Variants in TANGO6 observed in about 807,000 individuals in gnomAD.
The protein encoded by TANGO6 is transport and golgi organization 6 homolog.
In TANGO6, 90 loss-of-function variants were observed where a neutral mutation model predicts 114.2. The ratio of observed to expected loss-of-function variants is 0.79; its 90% CI spans 0.66 to 0.94. The LOEUF (loss-of-function observed/expected upper bound fraction) is 0.94. Among genes scored for constraint, TANGO6 ranks in the 40% least tolerant of loss-of-function variants. The pLI, the probability that TANGO6 is intolerant of heterozygous loss-of-function variation, is 0.00. For synonymous variants in TANGO6, 477 were observed against 509.8 expected (o/e 0.94, Z 0.87); for missense variants, 1,274 against 1,315.3 (o/e 0.97, Z 0.49).
At chr16:69,068,526 G>T (rs1960250932) in intron 17 of TANGO6, among the ~76,000 whole-genome samples, 1 of 152,136 alleles carries the variant, frequency 6.6e-6, no homozygotes, top group Admixed American at 6.6e-5. Flanking sequence ...ACTATGTAAG[G>T]ATTAGCTACC....
chr16:68,948,309 T>C (rs1478421450), intron 14 of TANGO6: 1 of 152,222 alleles, frequency 6.6e-6, no homozygotes, highest in Non-Finnish European at 1.5e-5. Flanking sequence ...ACTATTGTCA[T>C]TTATTATGAC....
At chr16:68,869,404 G>T (rs1962231840) in intron 4 of TANGO6, among the ~76,000 whole-genome samples, 1 of 152,200 alleles carries the variant, frequency 6.6e-6, no homozygotes, top group Non-Finnish European at 1.5e-5. Flanking sequence ...CTGGAGCCCT[G>T]GAATTTGTGG....
chr16:68,952,669 A>G (rs1963481806), intron 14 of TANGO6, among the ~76,000 whole-genome samples: 1 of 152,194 alleles, frequency 6.6e-6, no homozygotes, highest in South Asian at 2.1e-4. Context: ...GTGTCTGTAC[A>G]GTTTGGGCAA....
chr16:68,883,639 A>G (rs939172885), intron 7 of TANGO6, among the ~76,000 whole-genome samples: 3 of 152,154 alleles, frequency 2.0e-5, no homozygotes, highest in African/African-American at 4.8e-5. Context: ...ATTATTGTGT[A>G]TATTTGTGTT....
chr16:68,907,935 C>T (rs1962874909), intron 10 of TANGO6, among the ~76,000 whole-genome samples: 1 of 152,168 alleles, frequency 6.6e-6, no homozygotes, highest in Admixed American at 6.5e-5. Context: ...ATCCCTTATC[C>T]TTTCTGACTG....
intron 17 of TANGO6, among the ~76,000 whole-genome samples, chr16:69,078,666 T>G (rs1388117262): frequency 6.6e-6 from 1 of 152,198 alleles, no homozygotes; most frequent in Admixed American, 6.5e-5. Context: ...TCTAGATGTT[T>G]CCATTGTTAA....
In TANGO6 at chr16:68,880,606, T is replaced by C; in HGVS notation, c.1353T>C (p.Ser451=). ...TTTTGGTGACAGAAGAAGAACTTAG[T>C]AGATGCATTGAGGATGTGTTTAAGG... The part of the protein sequence containing the change: ...GTILVTEEEL[S]RCIEDVFKVY... Residue 451 remains serine (S), a synonymous_variant, in exon 7 of 18, where the codon AGT becomes AGC. Coordinates refer to ENST00000261778, the MANE Select transcript of TANGO6 (RefSeq NM_024562.2). 6.2e-7 allele frequency: 1 copy of C among 1,612,516 alleles called. No homozygotes were observed. Among genetic ancestry groups the C allele is most frequent in the Non-Finnish European group, 8.5e-7 (1 of 1,179,154 alleles).
At chr16:68,850,675 A>G (rs946932629) in intron 1 of TANGO6, among the ~76,000 whole-genome samples, 3 of 152,202 alleles carry the variant, frequency 2.0e-5, no homozygotes, top group Non-Finnish European at 4.4e-5. Context: ...TGCGGCCCAT[A>G]TGGTCTCTGT....
chr16:68,864,051 G>C (rs1476696854), intron 3 of TANGO6, among the ~76,000 whole-genome samples: 1 of 151,936 alleles, frequency 6.6e-6, no homozygotes, highest in Non-Finnish European at 1.5e-5. Flanking sequence ...ACGCATGCCT[G>C]TAATCCCAGC....
chr16:68,894,194 C>T (rs1205217720), intron 7 of TANGO6, among the ~76,000 whole-genome samples: 1 of 152,190 alleles, frequency 6.6e-6, no homozygotes, highest in African/African-American at 2.4e-5. Context: ...AGTCCAGCCT[C>T]TCATTTCCCT....
intron 9 of TANGO6, among the ~76,000 whole-genome samples, chr16:68,905,529 T>C (rs1163451321): frequency 6.7e-6 from 1 of 150,006 alleles, no homozygotes; most frequent in African/African-American, 2.5e-5. Flanking sequence ...AGCGAAACTC[T>C]GTCTCAAAAA....
At chr16:68,846,505 T>TC in intron 1 of TANGO6, 1 of 354,888 alleles carries the variant, frequency 2.8e-6, no homozygotes. Context: ...ATTCTTTCTT[T>TC]TTTTTTTTTA....
At chr16:69,070,557 T>A (rs1184732554) in intron 17 of TANGO6, among the ~76,000 whole-genome samples, 1 of 145,344 alleles carries the variant, frequency 6.9e-6, no homozygotes, top group Non-Finnish European at 1.5e-5. Flanking sequence ...CACTTGAACC[T>A]GGGAGGCAGA....
chr16:69,020,942 G>GTGTGTGTGTGT (rs962235474), intron 15 of TANGO6, among the ~76,000 whole-genome samples: 1 of 126,652 alleles, frequency 7.9e-6, no homozygotes, highest in East Asian at 2.1e-4. Flanking sequence ...GTGTGTGTGT[G>GTGTGTGTGTGT]GTGTGTGTGT....
At chr16:68,943,961 G>A (rs1383811455) in intron 14 of TANGO6, among the ~76,000 whole-genome samples, 1 of 152,152 alleles carries the variant, frequency 6.6e-6, no homozygotes, top group East Asian at 1.9e-4. Flanking sequence ...AAGGGGAGGG[G>A]CAAGCTCCAA....
chr16:69,041,652 T>C (rs1959776625), intron 17 of TANGO6, among the ~76,000 whole-genome samples: 1 of 152,188 alleles, frequency 6.6e-6, no homozygotes, highest in Admixed American at 6.6e-5. Flanking sequence ...CCATTGGATT[T>C]CCCAGTGCTT....
intron 14 of TANGO6, among the ~76,000 whole-genome samples, chr16:68,969,565 T>C (rs551559165): frequency 1.3e-4 from 20 of 152,092 alleles, no homozygotes; most frequent in African/African-American, 4.6e-4. Context: ...AGATAAACAA[T>C]TGCTATTAGA....
intron 1 of TANGO6, among the ~76,000 whole-genome samples, chr16:68,858,064 GA>G (rs1042705392): frequency 4.1e-5 from 6 of 145,528 alleles, no homozygotes; most frequent in Non-Finnish European, 6.1e-5. Context: ...TCTCTCGGAA[GA>G]TTTTTTTTTT....
intron 14 of TANGO6, among the ~76,000 whole-genome samples, chr16:68,967,322 A>T (rs537979948): frequency 6.6e-6 from 1 of 152,288 alleles, no homozygotes; most frequent in East Asian, 1.9e-4. Flanking sequence ...TGCAGTTCAC[A>T]ATAGGGTTCA....
Sources: allele counts gnomAD v4.1 joint callset (sites outside exome capture counted in the v4.1 genomes callset), GRCh38; gene constraint gnomAD v4.1.1; transcripts MANE v1.5; gene names NCBI Gene and HGNC (gene_info 2026-07-23, HGNC 2026-07-21).